The following TENT5D variants were observed in gnomAD, a reference collection of about 807,000 sequenced individuals.
TENT5D encodes cancer/testis antigen 112.
For synonymous variants in TENT5D, 103 were observed against 100.6 expected (o/e 1.02, Z -0.15); for missense variants, 191 against 287.0 (o/e 0.67, Z 2.42).
chrX:80,355,299 C>G (rs1930261350), intron 3 of TENT5D, among the ~76,000 whole-genome samples: 1 of 111,724 alleles, frequency 9.0e-6, no homozygotes, highest in Admixed American at 9.5e-5. Context: ...GACTGTTTTG[C>G]AAGTGGGTAT....
chrX:80,360,130 A>T (rs1930374754), intron 3 of TENT5D, among the ~76,000 whole-genome samples: 1 of 112,038 alleles, frequency 8.9e-6, no homozygotes, highest in Admixed American at 9.5e-5. Context: ...CCTAATTACA[A>T]AATCATCTTT....
At chrX:80,442,583 T>C in exon 3 of TENT5D, 1 of 1,209,566 alleles carries the variant, frequency 8.3e-7, no homozygotes, top group Non-Finnish European at 1.1e-6. Flanking sequence ...GATCAAGTTA[T>C]AACACTGGAT....
At chrX:80,416,980 C>T (rs961281302), upstream of TENT5D, among the ~76,000 whole-genome samples, 5 of 111,410 alleles carry the variant, frequency 4.5e-5, no homozygotes, top group Non-Finnish European at 9.4e-5. Context: ...AATCTGGGTG[C>T]TCCTGTGTTG....
chrX:80,397,748 G>A (rs1931308482), intron 3 of TENT5D, among the ~76,000 whole-genome samples: 1 of 112,812 alleles, frequency 8.9e-6, no homozygotes, highest in African/African-American at 3.2e-5. Context: ...CCAACACAGC[G>A]AAACCCCGTC....
chrX:80,349,162 G>T (rs986427199), intron 3 of TENT5D, among the ~76,000 whole-genome samples: 1 of 112,102 alleles, frequency 8.9e-6, no homozygotes, highest in African/African-American at 3.2e-5. Context: ...TCAGGATGAT[G>T]CTGGCCTCAT....
At chrX:80,431,037 A>G (rs1004504935) in intron 1 of TENT5D, among the ~76,000 whole-genome samples, 6 of 111,945 alleles carry the variant, frequency 5.4e-5, no homozygotes, top group Non-Finnish European at 1.1e-4. Context: ...CTATGGCCCC[A>G]GTGAAACATT....
upstream of TENT5D, among the ~76,000 whole-genome samples, chrX:80,419,908 T>A (rs760723526): frequency 6.3e-5 from 7 of 111,215 alleles, no homozygotes; most frequent in East Asian, 1.4e-3. Flanking sequence ...AGAGTCGAAG[T>A]CTCTCTATCT....
chrX:80,341,964 G>A (rs1404734543), intron 2 of TENT5D, among the ~76,000 whole-genome samples: 1 of 109,562 alleles, frequency 9.1e-6, no homozygotes, highest in East Asian at 2.9e-4. Context: ...GCCCGCCTCG[G>A]CCTCCCAAAG....
At position 80,336,924 on chromosome X, in the gene TENT5D, G is replaced by A. The variant is rs749217732; in HGVS notation, c.-207+1208G>A. Among the ~76,000 whole-genome samples the A allele has an allele frequency of 8.0e-5, 9 of 112,182 alleles. No individual in the cohort carries two copies. The East Asian group carries it at 2.2e-3, about 28-fold the overall frequency. On this transcript the variant is annotated intron_variant, in intron 2 of 4. Transcript: ENST00000538312. ...AAGTAAAAGACGAATCGTAGCCTGT[G>A]CTGACCATTTAGAAAATTAAGAAGT...
intron 3 of TENT5D, among the ~76,000 whole-genome samples, chrX:80,353,883 A>G (rs1930232730): frequency 8.9e-6 from 1 of 112,358 alleles, no homozygotes; most frequent in Admixed American, 9.4e-5. Context: ...GAACTAATTT[A>G]CATTCCCACC....
At chrX:80,409,543 T>C (rs1034193802) in intron 3 of TENT5D, among the ~76,000 whole-genome samples, 83 of 110,430 alleles carry the variant, frequency 7.5e-4, no homozygotes, top group Middle Eastern at 9.3e-3. Context: ...TTACAAGGGA[T>C]GTGAAGGACC....
intron 3 of TENT5D, among the ~76,000 whole-genome samples, chrX:80,391,112 G>A (rs1338029609): frequency 9.0e-6 from 1 of 111,393 alleles, no homozygotes; most frequent in African/African-American, 3.3e-5. Context: ...AAAATTTTGA[G>A]CACCTTTTAT....
At chrX:80,385,580 A>T (rs1291397076) in intron 3 of TENT5D, among the ~76,000 whole-genome samples, 3 of 112,191 alleles carry the variant, frequency 2.7e-5, no homozygotes, top group Non-Finnish European at 5.6e-5. Context: ...ATGGGATCTA[A>T]TTAAACTAAA....
At chrX:80,443,232 T>G in exon 3 of TENT5D, 1 of 1,211,130 alleles carries the variant, frequency 8.3e-7, no homozygotes, top group Non-Finnish European at 1.1e-6. Context: ...CTGAAGAGAT[T>G]AGAGGTGGTG....
chrX:80,338,128 C>T (rs1015987926), intron 2 of TENT5D, among the ~76,000 whole-genome samples: 4 of 111,861 alleles, frequency 3.6e-5, no homozygotes, highest in Middle Eastern at 4.2e-3. Context: ...GATCATCTTA[C>T]ATCTTGGCTT....
At chrX:80,392,737 C>T (rs1319874628) in intron 3 of TENT5D, among the ~76,000 whole-genome samples, 2 of 104,598 alleles carry the variant, frequency 1.9e-5, no homozygotes, top group African/African-American at 3.5e-5. Flanking sequence ...AGGATGGTCT[C>T]GATCTCCTGA....
At chrX:80,416,619 G>A (rs1238675110), upstream of TENT5D, among the ~76,000 whole-genome samples, 1 of 110,438 alleles carries the variant, frequency 9.1e-6, no homozygotes, top group African/African-American at 3.3e-5. Flanking sequence ...TCTTAGTATT[G>A]ATGTCTGTTT....
At chrX:80,380,595 A>C (rs1011546713) in intron 3 of TENT5D, among the ~76,000 whole-genome samples, 2 of 110,963 alleles carry the variant, frequency 1.8e-5, no homozygotes, top group Admixed American at 1.9e-4. Flanking sequence ...TGGGAGTCTA[A>C]GTCTCTTTGT....
intron 3 of TENT5D, among the ~76,000 whole-genome samples, chrX:80,375,894 T>C (rs1211703360): frequency 1.8e-5 from 2 of 111,908 alleles, no homozygotes; most frequent in Non-Finnish European, 3.8e-5. Context: ...TATTTATTGA[T>C]GATTCTGGTG....
Sources: gnomAD v4.1 joint callset for allele counts (sites outside exome capture counted in the v4.1 genomes callset) on GRCh38, gnomAD v4.1.1 for gene constraint, MANE v1.5 for transcripts, NCBI Gene and HGNC (gene_info 2026-07-23, HGNC 2026-07-21) for gene names.